The following ZDHHC11 variants were observed in gnomAD, a reference collection of about 807,000 sequenced individuals.
The protein encoded by ZDHHC11 is zDHHC palmitoyltransferase 11, also known as palmitoyltransferase ZDHHC11.
ZDHHC11 carries 44 observed loss-of-function variants against 51.3 expected under a neutral mutation model. The observed-to-expected ratio is 0.86, with a 90% CI of 0.67 to 1.10. The LOEUF (loss-of-function observed/expected upper bound fraction) is 1.10, where lower values mean the gene tolerates loss of function less well. Among genes scored for constraint, ZDHHC11 ranks in the 50% least tolerant of loss-of-function variants. The probability of loss-of-function intolerance (pLI) is 0.00; values close to 1 mark genes in which losing one functional copy is unlikely to be tolerated. For synonymous variants in ZDHHC11, 163 were observed against 222.0 expected (o/e 0.73, Z 2.36); for missense variants, 400 against 537.7 (o/e 0.74, Z 2.53).
In ZDHHC11 at chr5:821,906, G is replaced by C. The variant is rs1741622425; in HGVS notation, c.1024-11C>G. ...GTCTTCATCCCCTTCCTGTGGGGAA[G>C]TGAAGCAAAATTCATAGAATGAATT... On this transcript the variant is annotated splice_polypyrimidine_tract_variant and intron_variant, in intron 8 of 12. Transcript: ENST00000283441. 1.9e-6 allele frequency: 3 copies of C among 1,601,860 alleles called. No homozygotes were observed. In the Admixed American group the frequency reaches 5.1e-5, roughly 27 times the overall value.
rs201690952 is a variant in ZDHHC11, at chr5:850,399, C to T, written c.204G>A (p.Trp68Ter). ...GIFIPFLPHA[W>*]KYIAYVVTGG... The stretch of plus-strand genomic sequence containing the variant: ...AGGATACCACGTAGGCAATGTATTT[C>T]CACGCGTGAGGCAGGAAGGGAATGA... The change falls in exon 1 of 13, where the codon TGG (tryptophan) becomes TGA (stop). Residue 68 changes from tryptophan (W) to a stop codon, truncating the protein, a stop_gained. Transcript: ENST00000283441. LOFTEE classifies it high-confidence loss of function. 6.2e-6 allele frequency: 10 copies of T among 1,613,610 alleles called. No individual in the cohort carries two copies. The Admixed American group carries it at 1.0e-4, about 16-fold the overall frequency.
rs750143647 is a variant in ZDHHC11 at position 850,484 on chromosome 5, T to C, written c.119A>G (p.Tyr40Cys). 5 of 1,613,512 alleles carry C rather than the reference T, an allele frequency of 3.1e-6. No individual in the cohort carries two copies. The highest frequency in any genetic ancestry group is 1.7e-5 in the Admixed American group (1 of 60,016). Residue 40 changes from tyrosine to cysteine, a missense_variant, in exon 1 of 13, where the codon TAC becomes TGC. This residue lies in a region of ZDHHC11 where 119 missense variants were observed against 99.6 expected (regional missense o/e 1.20). Transcript: ENST00000283441. ...GACAGCCCAGGTCACCACCTGGAAG[T>C]AGTGCAGGGGTAACGACCAGCCGTT... ...RVNGWSLPLH[Y>C]FQVVTWAVFV... is the part of the protein sequence containing the mutation.
At position 816,073 on chromosome 5, in the gene ZDHHC11, G is replaced by A. The variant is rs986967071; in HGVS notation, c.1147-1278C>T. On this transcript the variant is annotated intron_variant, in intron 10 of 12. Transcript: ENST00000283441. ...TGGAAGTTTTGTGTTCAAATCTTTT[G>A]CCCATTTGAAAACAGAGTTTTCTTA... Among the ~76,000 whole-genome samples, 3 of 151,450 alleles carry A rather than the reference G, an allele frequency of 2.0e-5. No homozygotes were observed. The East Asian group carries it at 5.8e-4, about 29-fold the overall frequency.
intron 3 of ZDHHC11, among the ~76,000 whole-genome samples, chr5:844,071 C>T (rs142391726): frequency 0.18 from 26,022 of 146,362 alleles, 3,772 homozygotes; most frequent in African/African-American, 0.49. Context: ...CTGGAGCCCG[C>T]AGGGTGGAGG....
intron 11 of ZDHHC11, among the ~76,000 whole-genome samples, chr5:802,758 G>C (rs181861629): frequency 4.3e-5 from 6 of 140,846 alleles, no homozygotes; most frequent in Admixed American, 1.5e-4. Flanking sequence ...TGGATCACGA[G>C]GTCAGGAGAT....
intron 4 of ZDHHC11, among the ~76,000 whole-genome samples, chr5:842,953 C>T (rs1809935): frequency 0.098 from 14,428 of 147,692 alleles, 845 homozygotes; most frequent in African/African-American, 0.31. Context: ...GGATTTGGGC[C>T]CCCTGGGACA....
chr5:849,988 C>G (rs763594600), intron 1 of ZDHHC11, among the ~76,000 whole-genome samples: 6 of 152,262 alleles, frequency 3.9e-5, no homozygotes, highest in Non-Finnish European at 8.8e-5. Flanking sequence ...CATGGAAACG[C>G]AGGCTGCCGA....
chr5:852,120 G>A (rs1442835061), upstream of ZDHHC11, among the ~76,000 whole-genome samples: 1 of 151,150 alleles, frequency 6.6e-6, no homozygotes, highest in Non-Finnish European at 1.5e-5. Flanking sequence ...AACACAGAAA[G>A]ACAACCCTGT....
chr5:819,242 C>T lies in ZDHHC11; in HGVS notation c.1146+283G>A, dbSNP rs556616289. 1.1e-3 allele frequency among the ~76,000 whole-genome samples: 169 copies of T among 151,718 alleles called. 11 individuals carry two copies. Among genetic ancestry groups the T allele is most frequent in the Non-Finnish European group, 1.9e-3 (126 of 67,752 alleles). ...TGTTCTGGGCACTTCAGAGCCTGCC[C>T]TGGGCATCTGCCCATCACCGCAGCC... is the stretch of plus-strand genomic sequence containing the variant. On this transcript the variant is annotated intron_variant, in intron 10 of 12. Transcript: ENST00000283441.
chr5:816,748 G>T (rs1178018985), intron 10 of ZDHHC11: 6 of 508,714 alleles, frequency 1.2e-5, no homozygotes, highest in South Asian at 5.1e-5. Context: ...CTTTCTCGTG[G>T]CCCACAGAAA....
At chr5:796,772 C>T (rs1445075322) in intron 12 of ZDHHC11, among the ~76,000 whole-genome samples, 192 bp from the exon 13 acceptor site, 11 of 152,166 alleles carry the variant, frequency 7.2e-5, no homozygotes, top group Non-Finnish European at 1.0e-4. Context: ...AGAGTCCTCC[C>T]GAGCCAGGCT....
Position 819,545 on chromosome 5 carries a change from C to G in ZDHHC11, c.1126G>C (p.Asp376His). ...CTTACCTGTGCCATCGAGCCCCCGT[C>G]TGGGTGTACACGAGTGGAGAACTGA... ...LCQFSTRVHPDGGSMAQEADD... is the reference protein window; with the variant it reads ...LCQFSTRVHPHGGSMAQEADD... Residue 376 changes from aspartate to histidine, a missense_variant, in exon 10 of 13, where the codon GAC (aspartate) becomes CAC (histidine). Transcript: ENST00000283441. The G allele has an allele frequency of 1.9e-6, 3 of 1,609,930 alleles. No homozygotes were observed. The African/African-American group carries it at 4.0e-5, about 21-fold the overall frequency.
At chr5:840,131 A>G in intron 5 of ZDHHC11, 2 of 615,116 alleles carry the variant, frequency 3.3e-6, no homozygotes, top group Non-Finnish European at 2.9e-6. Context: ...TTGGAAGTCC[A>G]CCTGTCCTTA....
At chr5:822,712 G>A (rs1741725379) in intron 8 of ZDHHC11, among the ~76,000 whole-genome samples, 1 of 151,442 alleles carries the variant, frequency 6.6e-6, no homozygotes, top group African/African-American at 2.4e-5. Flanking sequence ...TTGCTATGTT[G>A]CCCATAGTGG....
chr5:810,109 T>G (rs1192561653), intron 11 of ZDHHC11, among the ~76,000 whole-genome samples: 1 of 32,338 alleles, frequency 3.1e-5, no homozygotes, highest in Non-Finnish European at 6.9e-5. Context: ...TTTCTGCTTG[T>G]CAGCAGATCC....
At chr5:803,255 C>T (rs1035160908) in intron 11 of ZDHHC11, among the ~76,000 whole-genome samples, 3 of 151,272 alleles carry the variant, frequency 2.0e-5, no homozygotes, top group African/African-American at 7.3e-5. Context: ...AGAGGCTTGC[C>T]TTGGTTTTGA....
chr5:797,030 C>T (rs1208228266), intron 12 of ZDHHC11, among the ~76,000 whole-genome samples: 1 of 139,056 alleles, frequency 7.2e-6, no homozygotes, highest in South Asian at 2.3e-4. Flanking sequence ...ATACAGTGAA[C>T]CCCCGTCTCT....
In ZDHHC11 at chr5:840,616, G is replaced by C; in HGVS notation, c.663C>G (p.Leu221=). 6.2e-7 allele frequency: 1 copy of C among 1,613,892 alleles called. No individual in the cohort carries two copies. Among genetic ancestry groups the C allele is most frequent in the Non-Finnish European group, 8.5e-7 (1 of 1,179,876 alleles). Residue 221 remains leucine (L), a synonymous_variant, in exon 5 of 13, where the codon CTC becomes CTG. Transcript: ENST00000283441. Reference sequence around the variant, plus strand: ...TCTGCACCTGCACCGGGAACAGGGGGAGGAACAGCAGCCACGTGTTCATAT... The same window carrying C: ...TCTGCACCTGCACCGGGAACAGGGGCAGGAACAGCAGCCACGTGTTCATAT... ...VKNMNTWLLF[L]PLFPVQVQTL...
At chr5:836,034 CCTT>C (rs1743795575) in intron 6 of ZDHHC11, among the ~76,000 whole-genome samples, 3 of 150,530 alleles carry the variant, frequency 2.0e-5, no homozygotes, top group African/African-American at 4.9e-5. Context: ...ATTCTCTGTG[CCTT>C]CATTTTCCCT....
Sources: gnomAD v4.1 joint callset for allele counts (sites outside exome capture counted in the v4.1 genomes callset) on GRCh38, gnomAD v4.1.1 for gene constraint, gnomAD v4.1.1 regional missense constraint, MANE v1.5 for transcripts, NCBI Gene and HGNC (gene_info 2026-07-23, HGNC 2026-07-21) for gene names.